The following CDKL4 variants were observed in gnomAD, a reference collection of about 807,000 sequenced individuals.
CDKL4 encodes the protein cyclin dependent kinase like 4.
Under a neutral mutation model 42.0 loss-of-function variants are expected in CDKL4, and 44 were observed. The observed-to-expected ratio is 1.05, with a 90% confidence interval of 0.82 to 1.35. CDKL4 has a LOEUF of 1.35. Among genes scored for constraint, CDKL4 ranks in the 40% most tolerant of loss-of-function variants. CDKL4 has a pLI of 0.00. For missense variants in CDKL4, 393 were observed against 369.9 expected (o/e 1.06, Z -0.51); for synonymous variants, 120 against 121.6 (o/e 0.99, Z 0.09).
At position 39,214,706 on chromosome 2, in the gene CDKL4, T is replaced by C. The variant is rs536233332; in HGVS notation, c.291-1234A>G. Among the ~76,000 whole-genome samples, 10 of 152,258 alleles carry C rather than the reference T, an allele frequency of 6.6e-5. No individual in the cohort carries two copies. In the South Asian group the frequency reaches 1.4e-3, roughly 22 times the overall value. ...GTATACTTGGAAGATGGCTCTTCAATTTATCTAATTCATGGTGGTAGACAC... is the reference window on the plus strand; with the variant it reads ...GTATACTTGGAAGATGGCTCTTCAACTTATCTAATTCATGGTGGTAGACAC... On this transcript the variant is annotated intron_variant, in intron 3 of 9. Transcript: ENST00000451199.
intron 8 of CDKL4, among the ~76,000 whole-genome samples, chr2:39,181,642 G>A (rs920836476): frequency 2.6e-5 from 4 of 152,158 alleles, no homozygotes; most frequent in African/African-American, 9.7e-5. Context: ...GGTCATAATG[G>A]CATGGAGTAC....
At chr2:39,186,834 C>T (rs988025204) in intron 7 of CDKL4, among the ~76,000 whole-genome samples, 1 of 151,662 alleles carries the variant, frequency 6.6e-6, no homozygotes, top group African/African-American at 2.4e-5. Context: ...AGGCTTTGAC[C>T]AATGGATTAA....
the CDKL4 span, among the ~76,000 whole-genome samples, chr2:39,169,363 A>C: frequency 6.6e-6 from 1 of 152,164 alleles, no homozygotes; most frequent in Non-Finnish European, 1.5e-5. Context: ...TACTATTGAC[A>C]TGATGGAGCT....
intron 3 of CDKL4, among the ~76,000 whole-genome samples, chr2:39,224,844 C>G (rs1314335247): frequency 1.3e-5 from 2 of 152,064 alleles, no homozygotes; most frequent in Admixed American, 1.3e-4. Flanking sequence ...TTAATTTTTG[C>G]ATGTGGAATC....
At chr2:39,208,531 T>C (rs1212839437) in intron 4 of CDKL4, among the ~76,000 whole-genome samples, 1 of 151,872 alleles carries the variant, frequency 6.6e-6, no homozygotes, top group Non-Finnish European at 1.5e-5. Flanking sequence ...TTAGTAGACA[T>C]GGGGTTTCGC....
At chr2:39,215,127 CCT>C (rs1356749753) in intron 3 of CDKL4, among the ~76,000 whole-genome samples, 2 of 152,156 alleles carry the variant, frequency 1.3e-5, no homozygotes, top group Non-Finnish European at 2.9e-5. Context: ...CATCAAAGTC[CCT>C]GTCTCCTCAT....
intron 1 of CDKL4, among the ~76,000 whole-genome samples, chr2:39,235,314 T>A (rs1412467328): frequency 6.6e-6 from 1 of 152,168 alleles, no homozygotes; most frequent in Non-Finnish European, 1.5e-5. Context: ...GCATTTAATA[T>A]ACTTAAAGAT....
intron 1 of CDKL4, among the ~76,000 whole-genome samples, chr2:39,233,044 CAAAAA>C: frequency 1.5e-5 from 1 of 66,158 alleles, no homozygotes; most frequent in Admixed American, 2.1e-4. Context: ...GACTCCATCT[CAAAAA>C]AAAAAAAAAA....
At chr2:39,231,574 TAC>T (rs1465305607) in intron 1 of CDKL4, among the ~76,000 whole-genome samples, 2 of 152,242 alleles carry the variant, frequency 1.3e-5, no homozygotes, top group East Asian at 1.9e-4. Context: ...AATTCAAGCA[TAC>T]ACACTCAAGT....
intron 3 of CDKL4, among the ~76,000 whole-genome samples, chr2:39,221,190 A>AT (rs1211834371): frequency 6.7e-6 from 1 of 148,448 alleles, no homozygotes. Context: ...ATTTTTTTGT[A>AT]TTTTTTAGAA....
intron 3 of CDKL4, among the ~76,000 whole-genome samples, chr2:39,218,721 C>T (rs371948914): frequency 6.6e-6 from 1 of 152,260 alleles, no homozygotes; most frequent in Admixed American, 6.5e-5. Flanking sequence ...TTCTCCTGCC[C>T]TTGGATGTGG....
At chr2:39,233,830 A>G (rs1379024964) in intron 1 of CDKL4, among the ~76,000 whole-genome samples, 2 of 150,988 alleles carry the variant, frequency 1.3e-5, no homozygotes, top group Admixed American at 1.3e-4. Context: ...CGAAAAAGCC[A>G]CAATGAATCA....
chr2:39,214,063 C>T (rs1338505818), intron 3 of CDKL4, among the ~76,000 whole-genome samples: 7 of 151,992 alleles, frequency 4.6e-5, no homozygotes, highest in Admixed American at 4.6e-4. Flanking sequence ...GCTAGGATTA[C>T]AGGCACGTGC....
At chr2:39,178,307 T>C (rs998574344) in intron 9 of CDKL4, among the ~76,000 whole-genome samples, 1 of 152,176 alleles carries the variant, frequency 6.6e-6, no homozygotes, top group Non-Finnish European at 1.5e-5. Context: ...AACATGCTAA[T>C]GAGAAGACGA....
At chr2:39,197,221 A>T (rs1676569928) in intron 5 of CDKL4, among the ~76,000 whole-genome samples, 1 of 152,238 alleles carries the variant, frequency 6.6e-6, no homozygotes, top group African/African-American at 2.4e-5. Flanking sequence ...CACAAGTTCA[A>T]GAAAGAACTT....
chr2:39,236,499 C>G (rs1231728460), intron 1 of CDKL4, among the ~76,000 whole-genome samples: 1 of 152,058 alleles, frequency 6.6e-6, no homozygotes, highest in Non-Finnish European at 1.5e-5. Flanking sequence ...AAATCCATGC[C>G]TTGATATATC....
At chr2:39,184,938 T>C (rs1675634582) in intron 7 of CDKL4, among the ~76,000 whole-genome samples, 1 of 151,688 alleles carries the variant, frequency 6.6e-6, no homozygotes, top group African/African-American at 2.4e-5. Flanking sequence ...TCTTGCTATG[T>C]TGCATGAGCT....
intron 3 of CDKL4, among the ~76,000 whole-genome samples, chr2:39,218,924 C>T (rs145744309): frequency 6.6e-6 from 1 of 152,296 alleles, no homozygotes; most frequent in African/African-American, 2.4e-5. Flanking sequence ...CTCTATGTAT[C>T]CCACTGGTTT....
At chr2:39,229,221 G>A in intron 2 of CDKL4, 144 bp downstream of exon 2, 1 of 618,980 alleles carries the variant, frequency 1.6e-6, no homozygotes, top group Non-Finnish European at 2.8e-6. Context: ...AGTCCAAAGT[G>A]ATAATCAACT....
Sources: gnomAD v4.1 joint callset for allele counts (sites outside exome capture counted in the v4.1 genomes callset) on GRCh38, gnomAD v4.1.1 for gene constraint, MANE v1.5 for transcripts, NCBI Gene and HGNC (gene_info 2026-07-23, HGNC 2026-07-21) for gene names.